The following SPIDR variants were observed in gnomAD, a reference collection of about 807,000 sequenced individuals.
SPIDR encodes the protein DNA repair-scaffolding protein.
A neutral mutation model predicts 104.6 loss-of-function variants in SPIDR; 93 were observed. That is an observed-to-expected ratio of 0.89 (90% CI 0.75 to 1.06). The LOEUF (loss-of-function observed/expected upper bound fraction) is 1.06. Among genes scored for constraint, SPIDR ranks in the 50% least tolerant of loss-of-function variants. The pLI, the probability that SPIDR is intolerant of heterozygous loss-of-function variation, is 0.00. For missense variants in SPIDR, 1,154 were observed against 1,111.2 expected, an observed-to-expected ratio of 1.04 and a Z score of -0.55; for synonymous variants, 431 against 416.9, an observed-to-expected ratio of 1.03 and a Z score of -0.41.
At chr8:47,426,073 C>T (rs1314336972) in intron 7 of SPIDR, among the ~76,000 whole-genome samples, 1 of 151,186 alleles carries the variant, frequency 6.6e-6, no homozygotes, top group Admixed American at 6.6e-5. Context: ...TGAAACCCTG[C>T]CTCTACTACG....
At chr8:47,292,748 A>C (rs2040143480) in intron 4 of SPIDR, among the ~76,000 whole-genome samples, 1 of 152,114 alleles carries the variant, frequency 6.6e-6, no homozygotes, top group African/African-American at 2.4e-5. Context: ...CATGCATCAC[A>C]TTGCAATATG....
intron 5 of SPIDR, among the ~76,000 whole-genome samples, chr8:47,372,728 T>C (rs2058186837): frequency 6.6e-6 from 1 of 152,172 alleles, no homozygotes; most frequent in South Asian, 2.1e-4. Flanking sequence ...TTACAACTTT[T>C]TAAATTTTTA....
intron 3 of SPIDR, among the ~76,000 whole-genome samples, chr8:47,290,667 G>C (rs376821736): frequency 0.028 from 4,282 of 152,234 alleles, 215 homozygotes; most frequent in African/African-American, 0.096. Flanking sequence ...CATAAGTTTT[G>C]ACTTTGTGTT....
chr8:47,348,454 T>G (rs2052664861), intron 5 of SPIDR, among the ~76,000 whole-genome samples: 1 of 152,200 alleles, frequency 6.6e-6, no homozygotes, highest in South Asian at 2.1e-4. Context: ...AGGAGTATCT[T>G]TGTGTCGTTC....
At chr8:47,519,123 TTTGTTGTTG>T (rs371410579) in intron 8 of SPIDR, among the ~76,000 whole-genome samples, 92 of 151,098 alleles carry the variant, frequency 6.1e-4, no homozygotes, top group Admixed American at 3.4e-3. Context: ...GGCTATGTGT[TTTGTTGTTG>T]TTGTTGTTGT....
intron 1 of SPIDR, among the ~76,000 whole-genome samples, chr8:47,278,136 G>A (rs2036955823): frequency 6.9e-6 from 1 of 144,590 alleles, no homozygotes; most frequent in Non-Finnish European, 1.5e-5. Context: ...TCTGGTGGGT[G>A]TGAAGTGGCA....
chr8:47,458,028 A>T (rs554745224), intron 8 of SPIDR, among the ~76,000 whole-genome samples: 1 of 152,266 alleles, frequency 6.6e-6, no homozygotes, highest in South Asian at 2.1e-4. Context: ...AGGTAATGTC[A>T]TGCCTCCAGA....
chr8:47,545,974 A>G (rs1320234084), intron 8 of SPIDR, among the ~76,000 whole-genome samples: 3 of 152,170 alleles, frequency 2.0e-5, no homozygotes, highest in African/African-American at 7.2e-5. Context: ...CCCTGGAATA[A>G]ACTCATCTTT....
At chr8:47,491,460 G>T (rs1035883405) in intron 8 of SPIDR, among the ~76,000 whole-genome samples, 2 of 151,918 alleles carry the variant, frequency 1.3e-5, no homozygotes, top group African/African-American at 4.8e-5. Context: ...AGTAGCCACA[G>T]TGACCACAAC....
chr8:47,422,464 A>C (rs2065689300), intron 7 of SPIDR, among the ~76,000 whole-genome samples: 1 of 152,230 alleles, frequency 6.6e-6, no homozygotes, highest in African/African-American at 2.4e-5. Context: ...GGAAAAGCGC[A>C]GTATTAGGGT....
intron 2 of SPIDR, among the ~76,000 whole-genome samples, chr8:47,280,459 G>A (rs1195692971): frequency 6.7e-6 from 1 of 149,270 alleles, no homozygotes; most frequent in Non-Finnish European, 1.5e-5. Flanking sequence ...GTGAGGCTAT[G>A]TTGGCTCGCT....
At chr8:47,398,475 G>T (rs1460171431) in intron 6 of SPIDR, among the ~76,000 whole-genome samples, 2 of 152,270 alleles carry the variant, frequency 1.3e-5, no homozygotes, top group East Asian at 1.9e-4. Context: ...GTCCAGAGGT[G>T]GGGGAGGACA....
chr8:47,487,807 C>T (rs1049266921), intron 8 of SPIDR, among the ~76,000 whole-genome samples: 106 of 152,044 alleles, frequency 7.0e-4, no homozygotes, highest in Non-Finnish European at 1.1e-3. Context: ...TTGAAACCAA[C>T]GAGAACAAAG....
At chr8:47,630,832 T>C (rs1464001854) in intron 10 of SPIDR, among the ~76,000 whole-genome samples, 1 of 152,146 alleles carries the variant, frequency 6.6e-6, no homozygotes, top group Admixed American at 6.5e-5. Context: ...ACGTTCCTGG[T>C]TCTTGTTCAC....
At chr8:47,615,742 C>G (rs1248961135) in intron 10 of SPIDR, among the ~76,000 whole-genome samples, 1 of 151,974 alleles carries the variant, frequency 6.6e-6, no homozygotes, top group Non-Finnish European at 1.5e-5. Context: ...TATCAAAAAC[C>G]ATTGGTTTTT....
At chr8:47,335,501 AGTGCAGTG>A (rs1218343943) in intron 5 of SPIDR, among the ~76,000 whole-genome samples, 1 of 152,058 alleles carries the variant, frequency 6.6e-6, no homozygotes, top group African/African-American at 2.4e-5. Flanking sequence ...CCCAGGCTGG[AGTGCAGTG>A]GTGCAATCTC....
At chr8:47,602,099 T>G (rs906654118) in intron 10 of SPIDR, among the ~76,000 whole-genome samples, 2 of 152,230 alleles carry the variant, frequency 1.3e-5, no homozygotes, top group African/African-American at 4.8e-5. Context: ...TAAGGCAGTT[T>G]TTTATACATG....
At chr8:47,693,081 T>G (rs1043079207) in intron 11 of SPIDR, among the ~76,000 whole-genome samples, 1 of 152,232 alleles carries the variant, frequency 6.6e-6, no homozygotes, top group Non-Finnish European at 1.5e-5. Context: ...CCTACCAGTT[T>G]GTTCATGATC....
At chr8:47,529,646 TAAAG>T (rs1043760820) in intron 8 of SPIDR, among the ~76,000 whole-genome samples, 32 of 152,062 alleles carry the variant, frequency 2.1e-4, no homozygotes, top group African/African-American at 5.8e-4. Flanking sequence ...GAGATATACA[TAAAG>T]AAAGGAGGAT....
Sources: gnomAD v4.1 joint callset for allele counts (sites outside exome capture counted in the v4.1 genomes callset) on GRCh38, gnomAD v4.1.1 for gene constraint, MANE v1.5 for transcripts, NCBI Gene and HGNC (gene_info 2026-07-23, HGNC 2026-07-21) for gene names.